AGPAT3: variants seen among roughly 807,000 people sequenced by gnomAD.
AGPAT3 encodes the protein 1-acylglycerol-3-phosphate O-acyltransferase 3.
A neutral mutation model predicts 47.3 loss-of-function variants in AGPAT3; 5 were observed. The ratio of observed to expected loss-of-function variants is 0.11; its 90% CI spans 0.06 to 0.22. The LOEUF (loss-of-function observed/expected upper bound fraction) is 0.22, where lower values mean the gene tolerates loss of function less well. Among genes scored for constraint, AGPAT3 ranks in the 10% least tolerant of loss-of-function variants. The probability of loss-of-function intolerance (pLI) is 1.00; values close to 1 mark genes in which losing one functional copy is unlikely to be tolerated. For synonymous variants in AGPAT3, 212 were observed against 208.3 expected (o/e 1.02, Z -0.15); for missense variants, 315 against 493.0 (o/e 0.64, Z 3.42).
chr21:43,929,528 G>C (rs1478287503), intron 2 of AGPAT3, among the ~76,000 whole-genome samples: 1 of 152,226 alleles, frequency 6.6e-6, no homozygotes, highest in Non-Finnish European at 1.5e-5. Flanking sequence ...AAGTGGGATT[G>C]GCACACAGAA....
chr21:43,910,585 C>T (rs2086610469), intron 2 of AGPAT3, among the ~76,000 whole-genome samples: 1 of 152,154 alleles, frequency 6.6e-6, no homozygotes. Flanking sequence ...GCCGGCCTTC[C>T]CTCTGGAAGC....
At chr21:43,945,615 G>A (rs1238552786) in intron 2 of AGPAT3, among the ~76,000 whole-genome samples, 14 of 152,116 alleles carry the variant, frequency 9.2e-5, no homozygotes, top group Non-Finnish European at 4.4e-5. Context: ...AGGCACCCGT[G>A]TCTTGGGTCG....
intron 2 of AGPAT3, 51 bp downstream of exon 2, chr21:43,904,070 G>C (rs1466689236): frequency 2.1e-5 from 1 of 48,774 alleles, no homozygotes; most frequent in African/African-American, 9.8e-5. Flanking sequence ...GTGAGAGTGT[G>C]TGTGTGTGTG....
intron 1 of AGPAT3, among the ~76,000 whole-genome samples, chr21:43,894,718 C>G (rs533557145): frequency 6.6e-6 from 1 of 152,230 alleles, no homozygotes; most frequent in South Asian, 2.1e-4. Context: ...ATCAACCTCT[C>G]TTCCTCTCTG....
At chr21:43,889,766 T>G (rs1340265899) in intron 1 of AGPAT3, among the ~76,000 whole-genome samples, 1 of 152,230 alleles carries the variant, frequency 6.6e-6, no homozygotes, top group Non-Finnish European at 1.5e-5. Context: ...TGTGCATGCC[T>G]TAATTAAAAA....
In AGPAT3 at chr21:43,982,098, G is replaced by T. The variant is rs868369748; in HGVS notation, c.1043-206G>T. On this transcript the variant is annotated intron_variant, in intron 9 of 9. Transcript: ENST00000291572. The surrounding 1 kb of genome is among the most constrained non-coding windows in gnomAD (Gnocchi z 6.2). ...CCTCGGACCCAGCCGGTCAGAAGAC[G>T]TGCCCCTCACCCCTGCCTGAGCAGA... is the stretch of plus-strand genomic sequence containing the variant. Among the ~76,000 whole-genome samples the T allele has an allele frequency of 2.0e-5, 3 of 152,190 alleles. No individual in the cohort carries two copies. Among genetic ancestry groups the T allele is most frequent in the Admixed American group, 1.3e-4 (2 of 15,284 alleles).
chr21:43,926,002 T>C (rs2087041586), intron 2 of AGPAT3, among the ~76,000 whole-genome samples: 1 of 152,258 alleles, frequency 6.6e-6, no homozygotes, highest in Non-Finnish European at 1.5e-5. Context: ...TGGAAATAGG[T>C]ACTGGATTTC....
chr21:43,986,519 G>A lies in AGPAT3; in HGVS notation c.*4127G>A, dbSNP rs1284708449. The A allele has an allele frequency of 6.6e-6, 1 of 152,646 alleles. No homozygotes were observed. The highest frequency in any genetic ancestry group is 1.9e-4 in the East Asian group (1 of 5,204). The allele number at this position is 152,646 out of a possible 1,614,324, so 9.5% of individuals were successfully genotyped here. On this transcript the variant is annotated 3_prime_UTR_variant, in exon 10 of 10. Transcript: ENST00000291572. ...CTAAATTGTATTACATTAAACTGGA[G>A]TTACTTGATACAATGAAGAAATGCA... is the stretch of plus-strand genomic sequence containing the variant.
In AGPAT3 at chr21:43,963,832, C is replaced by T. The variant is rs992038916; in HGVS notation, c.178+3973C>T. On this transcript the variant is annotated intron_variant, in intron 3 of 9. Transcript: ENST00000291572. Reference sequence around the variant, plus strand: ...GATTTCTTACGGCAGGCAGCAGTGGCGGGAGAAGGTGGAAGATCCTCAATG... The same window carrying T: ...GATTTCTTACGGCAGGCAGCAGTGGTGGGAGAAGGTGGAAGATCCTCAATG... Among the ~76,000 whole-genome samples the T allele has an allele frequency of 4.0e-5, 6 of 151,742 alleles. No individual in the cohort carries two copies. In the South Asian group the frequency reaches 1.0e-3, roughly 26 times the overall value.
chr21:43,942,852 G>C (rs540271717), intron 2 of AGPAT3, among the ~76,000 whole-genome samples: 1 of 152,310 alleles, frequency 6.6e-6, no homozygotes, highest in Admixed American at 6.5e-5. Flanking sequence ...TGGGCTCAGG[G>C]AGACAAGGCA....
At chr21:43,889,789 T>C (rs1280374103) in intron 1 of AGPAT3, among the ~76,000 whole-genome samples, 2 of 152,188 alleles carry the variant, frequency 1.3e-5, no homozygotes, top group East Asian at 1.9e-4. Context: ...ACTTGATTGC[T>C]AAAAAATGCT....
intron 3 of AGPAT3, chr21:43,965,830 C>G (rs1175461848): frequency 6.6e-6 from 1 of 152,082 alleles, no homozygotes; most frequent in Non-Finnish European, 1.5e-5. Context: ...CCCAGCTGGT[C>G]TTGAACTCCT....
intron 2 of AGPAT3, among the ~76,000 whole-genome samples, chr21:43,919,236 G>A (rs958448448): frequency 1.4e-5 from 2 of 147,940 alleles, no homozygotes; most frequent in African/African-American, 2.5e-5. Flanking sequence ...CTTTAGTGGC[G>A]AATTCTGAGA....
chr21:43,970,582 G>A lies in AGPAT3; in HGVS notation c.511-71G>A. 4 of 1,512,704 alleles carry A rather than the reference G, an allele frequency of 2.6e-6. No individual in the cohort carries two copies. The highest frequency in any genetic ancestry group is 3.6e-6 in the Non-Finnish European group (4 of 1,108,160). The allele number at this position is 1,512,704 out of a possible 1,614,324, so 93.7% of individuals were successfully genotyped here. ...ACAACCTTTGCTGCCTGTCAGAGAG[G>A]CAGGCCTGGCCTGGACATGCACCCA... is the stretch of plus-strand genomic sequence containing the variant. On this transcript the variant is annotated intron_variant, in intron 5 of 9. Coordinates refer to ENST00000291572, the MANE Select transcript of AGPAT3 (RefSeq NM_020132.5). The surrounding 1 kb of genome is among the most constrained non-coding windows in gnomAD (Gnocchi z 5.8).
At chr21:43,976,567 T>C (rs962357355) in intron 7 of AGPAT3, among the ~76,000 whole-genome samples, 1 of 152,248 alleles carries the variant, frequency 6.6e-6, no homozygotes, top group Non-Finnish European at 1.5e-5. Context: ...ATAACTTTCA[T>C]AATTGTTTTG....
chr21:43,944,686 T>C (rs2087805632), intron 2 of AGPAT3, among the ~76,000 whole-genome samples: 1 of 152,114 alleles, frequency 6.6e-6, no homozygotes, highest in East Asian at 1.9e-4. Context: ...GCAGTGGGAT[T>C]ATTAGGGACA....
intron 2 of AGPAT3, among the ~76,000 whole-genome samples, chr21:43,949,604 A>G (rs1459805084): frequency 1.3e-5 from 2 of 152,200 alleles, no homozygotes; most frequent in Non-Finnish European, 2.9e-5. Flanking sequence ...AGTAGACTCC[A>G]TGTCTTGGCA....
chr21:43,969,370 A>G (rs952108822), intron 5 of AGPAT3, 91 bp downstream of exon 5: 97 of 1,520,216 alleles, frequency 6.4e-5, no homozygotes, highest in Non-Finnish European at 8.5e-5. Flanking sequence ...AGGCTGGGAA[A>G]CCCCATGAGA....
intron 2 of AGPAT3, among the ~76,000 whole-genome samples, chr21:43,917,269 G>A (rs1199204319): frequency 2.0e-5 from 3 of 151,810 alleles, no homozygotes; most frequent in Non-Finnish European, 2.9e-5. Context: ...CCTGTTGCCG[G>A]CGCGGTCCCG....
Sources: allele counts gnomAD v4.1 joint callset (sites outside exome capture counted in the v4.1 genomes callset), GRCh38; gene constraint gnomAD v4.1.1; non-coding constraint Gnocchi (gnomAD v3.1); transcripts MANE v1.5; gene names NCBI Gene and HGNC (gene_info 2026-07-23, HGNC 2026-07-21).